SRCIN1: variants seen among roughly 807,000 people sequenced by gnomAD.
SRCIN1 encodes the protein SRC kinase signaling inhibitor 1, also known as P130Cas-associated protein.
Under a neutral mutation model 116.2 loss-of-function variants are expected in SRCIN1, and 50 were observed. The observed-to-expected ratio is 0.43, with a 90% CI of 0.34 to 0.54. The LOEUF (loss-of-function observed/expected upper bound fraction) is 0.54, where lower values mean the gene tolerates loss of function less well. SRCIN1 is among the 20% of genes least tolerant of loss of function. The pLI, the probability that SRCIN1 is intolerant of heterozygous loss-of-function variation, is 0.02. For synonymous variants in SRCIN1, 736 were observed against 750.0 expected, an observed-to-expected ratio of 0.98 and a Z score of 0.30; for missense variants, 1,446 against 1,672.0, an observed-to-expected ratio of 0.86 and a Z score of 2.36.
At chr17:38,556,768 T>C (rs73982835) in intron 11 of SRCIN1, among the ~76,000 whole-genome samples, 1 of 152,064 alleles carries the variant, frequency 6.6e-6, no homozygotes, top group Admixed American at 6.6e-5. Flanking sequence ...GGGGCAGGGG[T>C]TGGGGAGTCT....
At position 38,563,700 on chromosome 17, in the gene SRCIN1, C is replaced by T; in HGVS notation, c.542-179G>A. Reference sequence around the variant, plus strand: ...TCATGCTGCCGGCGGGGGCGCCAGGCCGGCTCTCCAGCCTCTCAAGGCACC... The same window carrying T: ...TCATGCTGCCGGCGGGGGCGCCAGGTCGGCTCTCCAGCCTCTCAAGGCACC... On this transcript the variant is annotated intron_variant, in intron 4 of 18. Transcript: ENST00000617146. This position sits in a 1 kb window ranked among gnomAD's most constrained non-coding sequence, Gnocchi z 5.8. The T allele has an allele frequency of 1.1e-6, 1 of 890,262 alleles. No homozygotes were observed. The highest frequency in any genetic ancestry group is 1.8e-6 in the Non-Finnish European group (1 of 560,912). The allele number at this position is 890,262 out of a possible 1,614,324, so 55.1% of individuals were successfully genotyped here. A position where few individuals can be genotyped will look rare whatever the true frequency, so the allele number is the denominator to read the frequency against.
At chr17:38,589,281 G>A (rs1908316110) in intron 1 of SRCIN1, among the ~76,000 whole-genome samples, 1 of 152,196 alleles carries the variant, frequency 6.6e-6, no homozygotes, top group Non-Finnish European at 1.5e-5. Context: ...CTACATACCT[G>A]GGCCCACCAG....
At position 38,561,682 on chromosome 17, in the gene SRCIN1, G is replaced by C; in HGVS notation, c.1481C>G (p.Pro494Arg). Residue 494 changes from proline to arginine, a missense_variant, in exon 7 of 19, where the codon CCC (proline) becomes CGC (arginine). Transcript: ENST00000617146. ...PPGGPPPPHS[P>R]YSGPPSRGSP... ...GCCGCGGCTGGGCGGCCCCGAGTAG[G>C]GGCTGTGCGGTGGCGGGGGACCTCC... 6.4e-7 allele frequency: 1 copy of C among 1,558,706 alleles called. No homozygotes were observed. The highest frequency in any genetic ancestry group is 8.7e-7 in the Non-Finnish European group (1 of 1,155,806).
intron 1 of SRCIN1, among the ~76,000 whole-genome samples, chr17:38,582,682 C>T (rs1186640166): frequency 6.6e-6 from 1 of 152,162 alleles, no homozygotes; most frequent in Non-Finnish European, 1.5e-5. Flanking sequence ...CAAGGAGGAG[C>T]TTTGATGTGA....
chr17:38,595,678 C>T lies in SRCIN1; in HGVS notation c.22+10006G>A, dbSNP rs185477085. Among the ~76,000 whole-genome samples, 565 of 152,328 alleles carry T rather than the reference C, an allele frequency of 3.7e-3. 2 individuals are homozygous for T. The highest frequency in any genetic ancestry group is 0.013 in the African/African-American group (548 of 41,570). On this transcript the variant is annotated intron_variant, in intron 1 of 18. Coordinates refer to ENST00000617146, the MANE Select transcript of SRCIN1 (RefSeq NM_025248.3). The stretch of plus-strand genomic sequence containing the variant: ...GGCATCACTGGAACATGGGCTTCCC[C>T]CCATAAGAGGTGCCCCTTGCTCCTG...
At chr17:38,597,641 C>T (rs1475701133) in intron 1 of SRCIN1, among the ~76,000 whole-genome samples, 1 of 152,190 alleles carries the variant, frequency 6.6e-6, no homozygotes, top group African/African-American at 2.4e-5. Context: ...AAATGACTGT[C>T]AGGGCTGCGA....
At chr17:38,587,996 A>T (rs1306636737) in intron 1 of SRCIN1, among the ~76,000 whole-genome samples, 1 of 151,736 alleles carries the variant, frequency 6.6e-6, no homozygotes, top group Non-Finnish European at 1.5e-5. Flanking sequence ...TCCACTGACT[A>T]GTTATGTGAC....
rs1197645632 is a variant in SRCIN1, at chr17:38,585,139, C to T, written c.23-6348G>A. ...TTATAGCCCTGGCAGGAAGCGAGGGCAGGAGGCACTCAGGGTGAAGACACC... is the reference window on the plus strand; with the variant it reads ...TTATAGCCCTGGCAGGAAGCGAGGGTAGGAGGCACTCAGGGTGAAGACACC... On this transcript the variant is annotated intron_variant, in intron 1 of 18. Transcript: ENST00000617146. This position sits in a 1 kb window ranked among gnomAD's most constrained non-coding sequence, Gnocchi z 4.2. 6.6e-6 allele frequency among the ~76,000 whole-genome samples: 1 copy of T among 152,156 alleles called. No homozygotes were observed.
intron 1 of SRCIN1, among the ~76,000 whole-genome samples, chr17:38,592,231 TG>T (rs1908481143): frequency 6.6e-6 from 1 of 152,196 alleles, no homozygotes; most frequent in Admixed American, 6.5e-5. Flanking sequence ...CCGTCATCTC[TG>T]CAGCTCGGCA....
intron 1 of SRCIN1, among the ~76,000 whole-genome samples, chr17:38,595,309 C>G (rs1231785815): frequency 6.6e-6 from 1 of 152,148 alleles, no homozygotes; most frequent in Non-Finnish European, 1.5e-5. Flanking sequence ...CCTCTGCTTC[C>G]CGGGTTCGAG....
At chr17:38,606,099 C>T (rs1292405081), upstream of SRCIN1, among the ~76,000 whole-genome samples, 1 of 150,262 alleles carries the variant, frequency 6.7e-6, no homozygotes. The surrounding 1 kb of genome is among the most constrained non-coding windows in gnomAD (Gnocchi z 5.2). Flanking sequence ...TCGCGCCCTC[C>T]AGCTTCACCG....
chr17:38,548,769 C>A (rs1259121500), intron 16 of SRCIN1, 60 bp from the exon 17 acceptor site: 6 of 1,480,202 alleles, frequency 4.1e-6, no homozygotes, highest in Non-Finnish European at 5.4e-6. Context: ...ACCAGCTCAC[C>A]TCCCAGGCCC....
intron 1 of SRCIN1, among the ~76,000 whole-genome samples, chr17:38,579,206 T>C (rs1281212611): frequency 6.6e-6 from 1 of 152,156 alleles, no homozygotes; most frequent in African/African-American, 2.4e-5. Flanking sequence ...GGGTGCTTTT[T>C]AGATGCTCCC....
At chr17:38,580,352 C>T (rs1907717444) in intron 1 of SRCIN1, among the ~76,000 whole-genome samples, 1 of 152,164 alleles carries the variant, frequency 6.6e-6, no homozygotes, top group Admixed American at 6.5e-5. Context: ...ATTAGGGGCA[C>T]AGAGCCTGCG....
At chr17:38,533,741 G>C (rs1165859039) in intron 18 of SRCIN1, among the ~76,000 whole-genome samples, 1 of 142,912 alleles carries the variant, frequency 7.0e-6, no homozygotes, top group Non-Finnish European at 1.5e-5. Flanking sequence ...GCCCAGGATG[G>C]GCAGATGGGG....
chr17:38,579,238 C>T (rs910708440), intron 1 of SRCIN1, among the ~76,000 whole-genome samples: 1 of 152,198 alleles, frequency 6.6e-6, no homozygotes, highest in Non-Finnish European at 1.5e-5. Context: ...AAAATGAGCT[C>T]GTAGTCTTCC....
chr17:38,549,609 C>T (rs1330745768), intron 15 of SRCIN1, among the ~76,000 whole-genome samples: 1 of 152,182 alleles, frequency 6.6e-6, no homozygotes, highest in Non-Finnish European at 1.5e-5. Context: ...TGCCCCTCAC[C>T]CTTGCCTCGG....
chr17:38,544,109 A>C lies in SRCIN1; in HGVS notation c.3271-140T>G. Reference sequence around the variant, plus strand: ...GACCTGGAGACCCCTCTCTAGCTCCACACCCGAGTCCAGAACCCAGGTCCA... The same window carrying C: ...GACCTGGAGACCCCTCTCTAGCTCCCCACCCGAGTCCAGAACCCAGGTCCA... On this transcript the variant is annotated intron_variant, in intron 17 of 18. Coordinates refer to ENST00000617146, the MANE Select transcript of SRCIN1 (RefSeq NM_025248.3). The surrounding 1 kb of genome is among the most constrained non-coding windows in gnomAD (Gnocchi z 4.5). The C allele has an allele frequency of 9.4e-7, 1 of 1,062,474 alleles. No individual in the cohort carries two copies. Among genetic ancestry groups the C allele is most frequent in the Non-Finnish European group, 1.3e-6 (1 of 761,456 alleles). 65.8% of individuals were successfully genotyped at this position (1,062,474 alleles called of 1,614,324 possible). A position where few individuals can be genotyped will look rare whatever the true frequency, so the allele number is the denominator to read the frequency against.
chr17:38,582,221 C>A (rs527247610), intron 1 of SRCIN1, among the ~76,000 whole-genome samples: 1 of 152,284 alleles, frequency 6.6e-6, no homozygotes, highest in African/African-American at 2.4e-5. Context: ...TCTCTTACCC[C>A]CTCCTCATGC....
Sources: gnomAD v4.1 joint callset for allele counts (sites outside exome capture counted in the v4.1 genomes callset) on GRCh38, gnomAD v4.1.1 for gene constraint, Gnocchi (gnomAD v3.1) non-coding constraint, MANE v1.5 for transcripts, NCBI Gene and HGNC (gene_info 2026-07-23, HGNC 2026-07-21) for gene names.